NAV1: variants seen among roughly 807,000 people sequenced by gnomAD.
NAV1 encodes the protein pore membrane and/or filament interacting like protein 3.
A neutral mutation model predicts 175.2 loss-of-function variants in NAV1; 18 were observed. The observed-to-expected ratio is 0.10, with a 90% CI of 0.07 to 0.15. NAV1 has a LOEUF of 0.15. Ranked by LOEUF, NAV1 falls within the 10% of genes least tolerant of loss-of-function variation. The probability of loss-of-function intolerance (pLI) is 1.00; values close to 1 mark genes in which losing one functional copy is unlikely to be tolerated. For synonymous variants in NAV1, 897 were observed against 978.7 expected (o/e 0.92, Z 1.56); for missense variants, 1,731 against 2,436.6 (o/e 0.71, Z 6.10).
At chr1:201,701,424 AAAAAG>A (rs938461754) in intron 1 of NAV1, among the ~76,000 whole-genome samples, 15 of 65,854 alleles carry the variant, frequency 2.3e-4, no homozygotes, top group African/African-American at 5.7e-4. Context: ...AAAAAAATAA[AAAAAG>A]AAAAAGAAAA....
At chr1:201,699,421 C>A (rs1671319720) in intron 1 of NAV1, among the ~76,000 whole-genome samples, 1 of 152,130 alleles carries the variant, frequency 6.6e-6, no homozygotes, top group Admixed American at 6.5e-5. Context: ...CTACAAACCA[C>A]TGCTCAATGA....
chr1:201,681,265 C>T lies in NAV1; in HGVS notation c.758-31552C>T, dbSNP rs1475646525. Reference sequence around the variant, plus strand: ...TACCCAAACCATCTGCCAGCATTTCCCTGAGGGAATTCTGTGAAACTTGTT... The same window carrying T: ...TACCCAAACCATCTGCCAGCATTTCTCTGAGGGAATTCTGTGAAACTTGTT... On this transcript the variant is annotated intron_variant, in intron 1 of 29. Coordinates refer to ENST00000367296, the Ensembl canonical transcript of NAV1. Among the ~76,000 whole-genome samples, 8 of 152,188 alleles carry T rather than the reference C, an allele frequency of 5.3e-5. No individual in the cohort carries two copies. In the East Asian group the frequency reaches 1.5e-3, roughly 29 times the overall value.
At chr1:201,803,735 T>TG (rs34105833) in intron 16 of NAV1, 21 bp downstream of exon 20, 1,601,809 of 1,607,036 alleles carry the variant, frequency 1, 798,431 homozygotes, top group East Asian at 1. Flanking sequence ...GTTTGGGGGG[T>TG]GGGAAGTAGG....
chr1:201,785,283 T>TCTC lies in NAV1; in HGVS notation c.2805-27_2805-26insCTC, dbSNP rs59543474. 1.2e-4 allele frequency: 54 copies of TCTC among 449,428 alleles called. No individual in the cohort carries two copies. The African/African-American group carries it at 1.3e-3, about 11-fold the overall frequency. 27.8% of individuals were successfully genotyped at this position (449,428 alleles called of 1,614,324 possible). ...ACCCACATGCTTCTCTCTCTCTCTC[T>TCTC]TTTTTTTTTTTTTTTTATCTCCACA... is the stretch of plus-strand genomic sequence containing the variant. On this transcript the variant is annotated intron_variant, in intron 7 of 29. Transcript: ENST00000367296.
intron 1 of NAV1, among the ~76,000 whole-genome samples, chr1:201,582,251 T>C (rs1291997259): frequency 3.3e-5 from 5 of 152,156 alleles, no homozygotes; most frequent in Non-Finnish European, 5.9e-5. Context: ...ACTTTTCATA[T>C]TTGCAAGAGA....
rs584053 is a variant in NAV1 at position 201,556,683 on chromosome 1, A to T, written c.-144+17341A>T. Among the ~76,000 whole-genome samples the T allele has an allele frequency of 6.6e-5, 10 of 152,314 alleles. No individual in the cohort carries two copies. The East Asian group carries it at 1.9e-3, about 29-fold the overall frequency. On this transcript the variant is annotated intron_variant, in intron 1 of 33. Transcript: ENST00000685211. ...CCTCTGCTGTCCTAGCCCCAACCTT[A>T]GTCCAACCTGGGCCAGCAGCAGAGG...
rs1665438215 is a variant in NAV1, at chr1:201,539,488, T to G, written c.-144+146T>G. Among the ~76,000 whole-genome samples, 1 of 152,088 alleles carries G rather than the reference T, an allele frequency of 6.6e-6. No homozygotes were observed. The highest frequency in any genetic ancestry group is 1.5e-5 in the Non-Finnish European group (1 of 68,010). On this transcript the variant is annotated intron_variant, in intron 1 of 33. Coordinates refer to the NAV1 transcript ENST00000685211. The surrounding 1 kb of genome is among the most constrained non-coding windows in gnomAD (Gnocchi z 5.6). ...TTGGTGCCCGAGGGAGGCTGTGGGC[T>G]GGGCTCGGGAGAGGCGCTGGAATAA...
intron 3 of NAV1, among the ~76,000 whole-genome samples, chr1:201,757,268 T>G (rs975353175): frequency 2.6e-5 from 4 of 152,176 alleles, no homozygotes; most frequent in East Asian, 1.9e-4. Flanking sequence ...TTCTTTTTCT[T>G]TTTTCTTTCG....
At chr1:201,585,445 C>T (rs1666995317) in intron 1 of NAV1, among the ~76,000 whole-genome samples, 1 of 152,094 alleles carries the variant, frequency 6.6e-6, no homozygotes, top group South Asian at 2.1e-4. Flanking sequence ...GACACACACA[C>T]ACACACAAAT....
At chr1:201,682,341 G>A (rs935314699) in intron 1 of NAV1, among the ~76,000 whole-genome samples, 1 of 151,782 alleles carries the variant, frequency 6.6e-6, no homozygotes, top group Non-Finnish European at 1.5e-5. Flanking sequence ...CCCTACCGCA[G>A]CCACCAACCT....
intron 1 of NAV1, among the ~76,000 whole-genome samples, chr1:201,687,671 G>A (rs1183003069): frequency 6.6e-6 from 1 of 152,156 alleles, no homozygotes; most frequent in Non-Finnish European, 1.5e-5. Flanking sequence ...GAGCCAAGAC[G>A]CCAACCCAAA....
At chr1:201,601,823 T>C (rs115401293) in intron 2 of NAV1, among the ~76,000 whole-genome samples, 2 of 152,162 alleles carry the variant, frequency 1.3e-5, no homozygotes, top group East Asian at 3.9e-4. Context: ...AGGGCCAATA[T>C]TTAAAAGAGT....
At chr1:201,799,693 C>G (rs980757540) in intron 15 of NAV1, among the ~76,000 whole-genome samples, 2 of 152,004 alleles carry the variant, frequency 1.3e-5, no homozygotes, top group African/African-American at 2.4e-5. Context: ...AACCCTGTCT[C>G]TACTAAAAAT....
chr1:201,690,030 T>C (rs1670844043), intron 1 of NAV1, among the ~76,000 whole-genome samples: 1 of 133,684 alleles, frequency 7.5e-6, no homozygotes, highest in Non-Finnish European at 1.6e-5. Context: ...GTGGCCTATA[T>C]GTGGCAGAAT....
chr1:201,784,872 A>G (rs1676611855), intron 7 of NAV1, among the ~76,000 whole-genome samples: 1 of 151,982 alleles, frequency 6.6e-6, no homozygotes, highest in South Asian at 2.1e-4. Flanking sequence ...GGTTCATGCC[A>G]TTCTCCTGCC....
At chr1:201,696,915 C>T (rs1026602027) in intron 1 of NAV1, among the ~76,000 whole-genome samples, 4 of 152,200 alleles carry the variant, frequency 2.6e-5, no homozygotes, top group South Asian at 2.1e-4. Context: ...GGCGCACACT[C>T]GGGAAATACT....
At position 201,747,805 on chromosome 1, in the gene NAV1, T is replaced by C. The variant is rs115111765; in HGVS notation, c.1226+29050T>C. Among the ~76,000 whole-genome samples, 939 of 152,342 alleles carry C rather than the reference T, an allele frequency of 6.2e-3. 10 individuals are homozygous for C. Among genetic ancestry groups the C allele is most frequent in the African/African-American group, 0.02 (851 of 41,584 alleles). On this transcript the variant is annotated intron_variant, in intron 3 of 29. Coordinates refer to ENST00000367296, the Ensembl canonical transcript of NAV1. The stretch of plus-strand genomic sequence containing the variant: ...ATAATTGGTACTGTTTTTCCCCCAT[T>C]TAAGCTTCTCTCTTCCTAAATTCTA...
chr1:201,810,041 T>G lies in NAV1; in HGVS notation c.4497T>G (p.Asp1499Glu). The change falls in exon 23 of 30, where the codon GAT (aspartate) becomes GAG (glutamate). Residue 1499 changes from aspartate to glutamate, a missense_variant. This residue lies in a region of NAV1 where 36 missense variants were observed against 45.3 expected (regional missense o/e 0.80). Coordinates refer to ENST00000367296, the Ensembl canonical transcript of NAV1. This position sits in a 1 kb window ranked among gnomAD's most constrained non-coding sequence, Gnocchi z 6.0. ...TCAGCCACGTGAAACGAGTGTTGGATGCAGAGCCCCCCGAGATGCCTCCTT... is the reference window on the plus strand; with the variant it reads ...TCAGCCACGTGAAACGAGTGTTGGAGGCAGAGCCCCCCGAGATGCCTCCTT... The G allele has an allele frequency of 6.2e-7, 1 of 1,614,120 alleles. No homozygotes were observed. Among genetic ancestry groups the G allele is most frequent in the Non-Finnish European group, 8.5e-7 (1 of 1,180,020 alleles).
chr1:201,793,529 T>A, intron 13 of NAV1: 1 of 442,352 alleles, frequency 2.3e-6, no homozygotes, highest in Non-Finnish European at 4.2e-6. Flanking sequence ...AGGTTTTAGA[T>A]CTCAAGTCTC....
Sources: allele counts gnomAD v4.1 joint callset (sites outside exome capture counted in the v4.1 genomes callset), GRCh38; gene constraint gnomAD v4.1.1; regional missense constraint gnomAD v4.1.1; non-coding constraint Gnocchi (gnomAD v3.1); transcripts MANE v1.5; gene names NCBI Gene and HGNC (gene_info 2026-07-23, HGNC 2026-07-21).